DTNBP1: variants seen among roughly 807,000 people sequenced by gnomAD.
The protein encoded by DTNBP1 is dystrobrevin binding protein 1.
In DTNBP1, 35 loss-of-function variants were observed where a neutral mutation model predicts 42.8. That is an observed-to-expected ratio of 0.82 (90% confidence interval 0.63 to 1.09). The LOEUF (loss-of-function observed/expected upper bound fraction) is 1.09. Ranked by LOEUF, DTNBP1 falls within the 50% of genes least tolerant of loss-of-function variation. DTNBP1 has a pLI of 0.00. For missense variants in DTNBP1, 457 were observed against 424.2 expected, an observed-to-expected ratio of 1.08 and a Z score of -0.68; for synonymous variants, 171 against 162.2, an observed-to-expected ratio of 1.05 and a Z score of -0.41.
At chr6:15,583,760 T>C (rs1333266202) in intron 7 of DTNBP1, among the ~76,000 whole-genome samples, 2 of 152,238 alleles carry the variant, frequency 1.3e-5, no homozygotes, top group African/African-American at 4.8e-5. Context: ...AACGTTGTCC[T>C]GATTCACTTC....
chr6:15,552,849 A>G (rs1774289073), intron 7 of DTNBP1, among the ~76,000 whole-genome samples: 1 of 152,220 alleles, frequency 6.6e-6, no homozygotes, highest in African/African-American at 2.4e-5. Context: ...AATTATTTTC[A>G]TGGAATACTT....
intron 7 of DTNBP1, among the ~76,000 whole-genome samples, chr6:15,546,926 CTTTT>C (rs10711026): frequency 2.6e-5 from 3 of 116,160 alleles, no homozygotes; most frequent in Admixed American, 8.8e-5. Context: ...TTCTTTCTTT[CTTTT>C]TTTTTTTTTT....
At chr6:15,596,261 A>G (rs1581374611) in intron 6 of DTNBP1, among the ~76,000 whole-genome samples, 1 of 152,170 alleles carries the variant, frequency 6.6e-6, no homozygotes, top group African/African-American at 2.4e-5. Flanking sequence ...AGGGCAATGC[A>G]TGAGTTCGGT....
chr6:15,535,472 A>G (rs996798154), intron 7 of DTNBP1, among the ~76,000 whole-genome samples: 1 of 151,992 alleles, frequency 6.6e-6, no homozygotes, highest in African/African-American at 2.4e-5. Flanking sequence ...GCACGCCACT[A>G]TGCCCAGCTA....
chr6:15,553,219 G>A (rs1219437303), intron 7 of DTNBP1, among the ~76,000 whole-genome samples: 1 of 151,970 alleles, frequency 6.6e-6, no homozygotes, highest in Admixed American at 6.6e-5. Flanking sequence ...CTGTAGGGTG[G>A]CCATTCTGAC....
intron 9 of DTNBP1, chr6:15,523,997 A>G (rs1348331559): frequency 7.8e-7 from 1 of 1,288,174 alleles, no homozygotes; most frequent in Non-Finnish European, 1.0e-6. Flanking sequence ...CAGGTCTGGC[A>G]CCTCAGCCCA....
At chr6:15,559,042 C>T in intron 7 of DTNBP1, among the ~76,000 whole-genome samples, 1 of 152,136 alleles carries the variant, frequency 6.6e-6, no homozygotes, top group African/African-American at 2.4e-5. Context: ...TATCAAAGTT[C>T]GAAATGGGTC....
chr6:15,555,181 A>G (rs1326315540), intron 7 of DTNBP1, among the ~76,000 whole-genome samples: 1 of 149,818 alleles, frequency 6.7e-6, no homozygotes, highest in Non-Finnish European at 1.5e-5. Context: ...ACTCCCCTAC[A>G]TAAATACGCA....
chr6:15,640,339 G>A (rs1467183087), intron 3 of DTNBP1, among the ~76,000 whole-genome samples: 1 of 152,184 alleles, frequency 6.6e-6, no homozygotes, highest in East Asian at 1.9e-4. Context: ...CTGAGATAAA[G>A]ACACTGGATG....
intron 6 of DTNBP1, among the ~76,000 whole-genome samples, chr6:15,614,503 C>T (rs972266345): frequency 1.3e-5 from 2 of 152,176 alleles, no homozygotes; most frequent in African/African-American, 2.4e-5. Flanking sequence ...GCACAGATGA[C>T]AGTCTGTCTC....
At chr6:15,621,716 G>A (rs769631478) in intron 5 of DTNBP1, among the ~76,000 whole-genome samples, 2 of 152,186 alleles carry the variant, frequency 1.3e-5, no homozygotes, top group Non-Finnish European at 2.9e-5. Flanking sequence ...CATTCAGAGA[G>A]CTACTGCTCT....
intron 8 of DTNBP1, among the ~76,000 whole-genome samples, chr6:15,527,727 C>G (rs1031358052): frequency 1.3e-5 from 2 of 152,074 alleles, no homozygotes; most frequent in Admixed American, 1.3e-4. Flanking sequence ...CTGGGTAAGA[C>G]TCATCGTAAA....
intron 6 of DTNBP1, among the ~76,000 whole-genome samples, chr6:15,605,766 G>A (rs2113669529): frequency 6.6e-6 from 1 of 152,188 alleles, no homozygotes; most frequent in East Asian, 1.9e-4. Flanking sequence ...AAAAGCTTCT[G>A]CCAGGGGTCC....
In DTNBP1 at chr6:15,608,422, A is replaced by AT. The variant is rs199629716; in HGVS notation, c.488+6844dup. Among the ~76,000 whole-genome samples the AT allele has an allele frequency of 5.9e-5, 9 of 152,228 alleles. No individual in the cohort carries two copies. In the East Asian group the frequency reaches 1.7e-3, roughly 29 times the overall value. On this transcript the variant is annotated intron_variant, in intron 6 of 9. Coordinates refer to ENST00000344537, the MANE Select transcript of DTNBP1 (RefSeq NM_032122.5). The stretch of plus-strand genomic sequence containing the variant: ...GCCGATAAGACAATGCATTAGCTTC[A>AT]TTTTTTCCCCCTTGGAAACACTACT...
At chr6:15,652,328 C>T (rs1351138928) in intron 1 of DTNBP1, among the ~76,000 whole-genome samples, 188 bp from the exon 2 acceptor site, 1 of 151,902 alleles carries the variant, frequency 6.6e-6, no homozygotes, top group East Asian at 1.9e-4. Context: ...TATAGTCACC[C>T]GCCACCACGC....
intron 7 of DTNBP1, among the ~76,000 whole-genome samples, chr6:15,540,885 G>A (rs572930083): frequency 1.3e-5 from 2 of 152,272 alleles, no homozygotes; most frequent in African/African-American, 4.8e-5. Context: ...CTCGTGATCC[G>A]CCTGCCTTGG....
intron 3 of DTNBP1, among the ~76,000 whole-genome samples, chr6:15,641,253 C>T (rs1238741862): frequency 6.6e-6 from 1 of 152,064 alleles, no homozygotes; most frequent in African/African-American, 2.4e-5. Flanking sequence ...AGATGGCTTA[C>T]TAGGAATATC....
At chr6:15,591,899 C>T (rs1776314003) in intron 7 of DTNBP1, among the ~76,000 whole-genome samples, 1 of 151,746 alleles carries the variant, frequency 6.6e-6, no homozygotes, top group African/African-American at 2.4e-5. Flanking sequence ...TATTTTAAAC[C>T]ACTGATTGAA....
At chr6:15,636,474 A>G in intron 4 of DTNBP1, among the ~76,000 whole-genome samples, 1 of 152,038 alleles carries the variant, frequency 6.6e-6, no homozygotes, top group Non-Finnish European at 1.5e-5. Flanking sequence ...CTTAACTTAG[A>G]GGTTCTTTGA....
Sources: gnomAD v4.1 joint callset for allele counts (sites outside exome capture counted in the v4.1 genomes callset) on GRCh38, gnomAD v4.1.1 for gene constraint, MANE v1.5 for transcripts, NCBI Gene and HGNC (gene_info 2026-07-23, HGNC 2026-07-21) for gene names.